Variants in ATP11C observed in about 807,000 individuals in gnomAD.
The protein encoded by ATP11C is ATPase phospholipid transporting 11C (ATP11C blood group), also known as phospholipid-transporting ATPase IG.
In ATP11C, 36 loss-of-function variants were observed where a neutral mutation model predicts 97.4. The observed-to-expected ratio is 0.37, with a 90% CI of 0.28 to 0.49. ATP11C has a LOEUF of 0.49. Ranked by LOEUF, ATP11C falls within the 20% of genes least tolerant of loss-of-function variation. The probability of loss-of-function intolerance (pLI) is 0.98; values close to 1 mark genes in which losing one functional copy is unlikely to be tolerated. For missense variants in ATP11C, 730 were observed against 824.6 expected, an observed-to-expected ratio of 0.89 and a Z score of 1.40; for synonymous variants, 275 against 290.9, an observed-to-expected ratio of 0.95 and a Z score of 0.56.
chrX:139,903,129 A>T (rs1284475992), intron 1 of ATP11C, among the ~76,000 whole-genome samples: 1 of 111,937 alleles, frequency 8.9e-6, no homozygotes, highest in Admixed American at 9.5e-5. Context: ...TGATGGGCTG[A>T]AGTAATTATT....
chrX:139,923,401 A>C (rs752269718), intron 1 of ATP11C, among the ~76,000 whole-genome samples: 26 of 111,564 alleles, frequency 2.3e-4, no homozygotes, highest in Middle Eastern at 9.4e-3. Flanking sequence ...CTGGTGACCT[A>C]CTGGCCTTGT....
intron 1 of ATP11C, among the ~76,000 whole-genome samples, chrX:139,877,819 C>T (rs1330258079): frequency 8.9e-6 from 1 of 111,855 alleles, no homozygotes; most frequent in Admixed American, 9.5e-5. Context: ...GCCAGGAGTT[C>T]GAGACCAGCC....
rs773716821 is a variant in ATP11C at position 139,731,765 on chromosome X, T to C, written c.3289-10A>G. 39 of 1,115,982 alleles carry C rather than the reference T, an allele frequency of 3.5e-5. No individual in the cohort carries two copies. Among genetic ancestry groups the C allele is most frequent in the East Asian group, 6.2e-5 (2 of 32,286 alleles). The allele number at this position is 1,115,982 out of a possible 1,213,427, so 92.0% of individuals were successfully genotyped here. A position where few individuals can be genotyped will look rare whatever the true frequency, so the allele number is the denominator to read the frequency against. ...TACAGCTCAGATTTCTCTGTAATAGTGAGGCAAAGATACTTAAAGCATTTG... is the reference window on the plus strand; with the variant it reads ...TACAGCTCAGATTTCTCTGTAATAGCGAGGCAAAGATACTTAAAGCATTTG... On this transcript the variant is annotated splice_polypyrimidine_tract_variant and intron_variant, in intron 28 of 29. Transcript: ENST00000682941.
chrX:139,897,378 T>G (rs2084827168), intron 1 of ATP11C, among the ~76,000 whole-genome samples: 1 of 110,636 alleles, frequency 9.0e-6, no homozygotes, highest in African/African-American at 3.3e-5. Context: ...ATACTAAAGG[T>G]CAACTTCAGT....
At chrX:139,916,868 A>AG in intron 1 of ATP11C, among the ~76,000 whole-genome samples, 1 of 111,961 alleles carries the variant, frequency 8.9e-6, no homozygotes, top group East Asian at 2.8e-4. Context: ...ATATTACAAA[A>AG]CAATATGTAA....
chrX:139,872,284 T>TG (rs74381153), intron 1 of ATP11C, among the ~76,000 whole-genome samples: 305 of 12,029 alleles, frequency 0.025, no homozygotes, highest in South Asian at 0.042. Context: ...AATAAAAATG[T>TG]GGGGGGGGGG....
intron 18 of ATP11C, among the ~76,000 whole-genome samples, chrX:139,780,904 CA>C (rs1448684020): frequency 8.1e-5 from 9 of 111,461 alleles, no homozygotes; most frequent in Non-Finnish European, 1.1e-4. Flanking sequence ...ATGGAAATAA[CA>C]GACAATGGGG....
chrX:139,911,231 A>G (rs1322190257), intron 1 of ATP11C, among the ~76,000 whole-genome samples: 1 of 111,967 alleles, frequency 8.9e-6, no homozygotes, highest in Non-Finnish European at 1.9e-5. Flanking sequence ...CAACATAGAT[A>G]ACCACAAAGC....
At chrX:139,748,897 G>T (rs188610513) in intron 24 of ATP11C, among the ~76,000 whole-genome samples, 61 of 112,054 alleles carry the variant, frequency 5.4e-4, no homozygotes, top group African/African-American at 1.4e-3. Flanking sequence ...GCTATGAAAA[G>T]AAATGAGTCA....
chrX:139,927,976 C>T (rs948638891), intron 1 of ATP11C, among the ~76,000 whole-genome samples: 1 of 111,706 alleles, frequency 9.0e-6, no homozygotes, highest in Non-Finnish European at 1.9e-5. Flanking sequence ...TGAACACCTA[C>T]TAGGGACCAG....
intron 12 of ATP11C, among the ~76,000 whole-genome samples, chrX:139,792,154 A>T (rs2082703337): frequency 9.1e-6 from 1 of 110,455 alleles, no homozygotes; most frequent in South Asian, 3.9e-4. Context: ...CCAGTGGCCA[A>T]TGATTTAATC....
chrX:139,768,173 A>G, intron 20 of ATP11C, 87 bp downstream of exon 20: 2 of 726,104 alleles, frequency 2.8e-6, no homozygotes, highest in Non-Finnish European at 3.7e-6. Context: ...CCCTTTGAAG[A>G]AGAAATAATT....
At position 139,750,102 on chromosome X, in the gene ATP11C, G is replaced by C. The variant is rs2081780172; in HGVS notation, c.2751C>G (p.Ser917=). The C allele has an allele frequency of 1.7e-6, 2 of 1,204,737 alleles. No individual in the cohort carries two copies. Among genetic ancestry groups the C allele is most frequent in the South Asian group, 3.6e-5 (2 of 56,048 alleles). ...YLTMYNICFT[S]LPILAYSLLE... The stretch of plus-strand genomic sequence containing the variant: ...GTAGACTATAGGCCAGGATGGGCAA[G>C]GATGTGAAGCAGATATTGTACATTG... Residue 917 remains serine, a synonymous_variant, in exon 24 of 30, where the codon TCC becomes TCG. Transcript: ENST00000682941.
intron 1 of ATP11C, among the ~76,000 whole-genome samples, chrX:139,862,957 A>G (rs745320136): frequency 9.0e-6 from 1 of 111,558 alleles, no homozygotes; most frequent in South Asian, 3.9e-4. Context: ...ACAAAAACTA[A>G]TAATTCTTGA....
chrX:139,912,949 A>T (rs1349227426), intron 1 of ATP11C, among the ~76,000 whole-genome samples: 1 of 111,893 alleles, frequency 8.9e-6, no homozygotes, highest in African/African-American at 3.2e-5. Context: ...ATTTTCTGAA[A>T]CTGCTCCCTT....
At chrX:139,783,527 CACCA>C (rs2082507795) in intron 16 of ATP11C, among the ~76,000 whole-genome samples, 1 of 111,651 alleles carries the variant, frequency 9.0e-6, no homozygotes, top group Admixed American at 9.5e-5. Flanking sequence ...TACTTCCTCC[CACCA>C]ATTCATGGAG....
intron 1 of ATP11C, among the ~76,000 whole-genome samples, chrX:139,829,440 G>T (rs995788717): frequency 1.8e-5 from 2 of 112,334 alleles, no homozygotes; most frequent in Admixed American, 1.9e-4. Flanking sequence ...AAACAGTGGT[G>T]TTAGTTCCTG....
chrX:139,810,244 T>C (rs2083139967), intron 5 of ATP11C, among the ~76,000 whole-genome samples: 2 of 111,527 alleles, frequency 1.8e-5, no homozygotes, highest in African/African-American at 6.5e-5. Context: ...ATGGATCACC[T>C]GCGGAGTTCG....
intron 1 of ATP11C, among the ~76,000 whole-genome samples, chrX:139,902,411 T>G (rs751850077): frequency 3.6e-5 from 4 of 111,504 alleles, no homozygotes; most frequent in African/African-American, 9.8e-5. Flanking sequence ...CACACTGATA[T>G]GACTATGTAG....
Sources: gnomAD v4.1 joint callset for allele counts (sites outside exome capture counted in the v4.1 genomes callset) on GRCh38, gnomAD v4.1.1 for gene constraint, MANE v1.5 for transcripts, NCBI Gene and HGNC (gene_info 2026-07-23, HGNC 2026-07-21) for gene names.